NRXN1: variants seen among roughly 807,000 people sequenced by gnomAD.
NRXN1 encodes the protein neurexin 1, also known as neurexin-1.
Under a neutral mutation model 150.9 loss-of-function variants are expected in NRXN1, and 39 were observed. The ratio of observed to expected loss-of-function variants is 0.26; its 90% CI spans 0.20 to 0.34. The LOEUF (loss-of-function observed/expected upper bound fraction) is 0.34. Ranked by LOEUF, NRXN1 falls within the 10% of genes least tolerant of loss-of-function variation. The pLI is 1.00. For missense variants in NRXN1, 1,815 were observed against 1,949.9 expected, an observed-to-expected ratio of 0.93 and a Z score of 1.30; for synonymous variants, 924 against 757.0, an observed-to-expected ratio of 1.22 and a Z score of -3.62.
chr2:50,179,533 T>C (rs992291705), intron 18 of NRXN1, among the ~76,000 whole-genome samples: 14 of 152,150 alleles, frequency 9.2e-5, no homozygotes, highest in African/African-American at 3.4e-4. Flanking sequence ...GGTTAGCTGC[T>C]ATTTTCTGAA....
At chr2:50,076,803 G>C (rs1032384247) in intron 19 of NRXN1, among the ~76,000 whole-genome samples, 1 of 152,098 alleles carries the variant, frequency 6.6e-6, no homozygotes, top group Admixed American at 6.5e-5. Context: ...ACACTATTAT[G>C]AGAATGCTTC....
chr2:50,344,850 C>T (rs866765019), intron 17 of NRXN1, among the ~76,000 whole-genome samples: 2 of 152,140 alleles, frequency 1.3e-5, no homozygotes, highest in Admixed American at 6.5e-5. Flanking sequence ...CAAGTGCTTC[C>T]CACTGGCACA....
At chr2:50,680,936 T>C (rs963477580) in intron 5 of NRXN1, among the ~76,000 whole-genome samples, 8 of 152,162 alleles carry the variant, frequency 5.3e-5, no homozygotes, top group Admixed American at 4.6e-4. Flanking sequence ...GTAGACTTCA[T>C]AGCACTTAAT....
intron 21 of NRXN1, among the ~76,000 whole-genome samples, chr2:49,946,723 C>T (rs147818239): frequency 0.02 from 3,115 of 152,084 alleles, 110 homozygotes; most frequent in African/African-American, 0.069. Flanking sequence ...CTTTATATTT[C>T]ATATGGAACC....
intron 21 of NRXN1, among the ~76,000 whole-genome samples, chr2:50,025,210 C>A (rs1258263739): frequency 1.1e-4 from 16 of 152,194 alleles, no homozygotes; most frequent in African/African-American, 3.9e-4. Flanking sequence ...TACTAACCCA[C>A]TACACCTGCG....
chr2:50,850,958 A>G (rs1674431231), intron 5 of NRXN1, among the ~76,000 whole-genome samples: 1 of 152,210 alleles, frequency 6.6e-6, no homozygotes. Context: ...TTATTTTTGA[A>G]GAAATGAAGC....
chr2:50,077,786 CT>C (rs1163471807), intron 19 of NRXN1, among the ~76,000 whole-genome samples: 1 of 151,954 alleles, frequency 6.6e-6, no homozygotes, highest in East Asian at 1.9e-4. Flanking sequence ...TAGATATATT[CT>C]TTTTGGATTC....
In NRXN1 at chr2:50,347,328, G is replaced by A. The variant is rs200480554; in HGVS notation, c.3365-110358C>T. The A allele has an allele frequency of 4.4e-5, 55 of 1,249,740 alleles. No homozygotes were observed. The highest frequency in any genetic ancestry group is 5.6e-5 in the Non-Finnish European group (54 of 971,020). 77.4% of individuals were successfully genotyped at this position (1,249,740 alleles called of 1,614,324 possible). ...CCGGCGGGTGGGGGGCCGAGAAATT[G>A]TTTAAAGCTCCTCCTGGAAGGTCCT... On this transcript the variant is annotated intron_variant, in intron 17 of 22. Coordinates refer to ENST00000401669, the MANE Select transcript of NRXN1 (RefSeq NM_001330078.2). The surrounding 1 kb of genome is among the most constrained non-coding windows in gnomAD (Gnocchi z 4.9).
intron 17 of NRXN1, among the ~76,000 whole-genome samples, chr2:50,431,350 G>C (rs927545563): frequency 6.6e-6 from 1 of 152,030 alleles, no homozygotes. Context: ...CCTAATCCAA[G>C]ATACTTTAAA....
intron 21 of NRXN1, among the ~76,000 whole-genome samples, chr2:50,039,931 C>A (rs555128950): frequency 1.3e-3 from 195 of 152,200 alleles, no homozygotes; most frequent in Admixed American, 1.8e-3. Flanking sequence ...GAAAAATTCT[C>A]CTTTGAGTAG....
chr2:50,206,461 G>A (rs1297689888), intron 18 of NRXN1, among the ~76,000 whole-genome samples: 1 of 151,868 alleles, frequency 6.6e-6, no homozygotes, highest in East Asian at 1.9e-4. Flanking sequence ...ATCTACCCAG[G>A]CTTAATTTCA....
chr2:50,389,050 C>T (rs971167148), intron 17 of NRXN1, among the ~76,000 whole-genome samples: 1 of 151,952 alleles, frequency 6.6e-6, no homozygotes, highest in African/African-American at 2.4e-5. Flanking sequence ...CACCTGTAGT[C>T]CCAGCTTCTT....
intron 21 of NRXN1, among the ~76,000 whole-genome samples, chr2:50,045,156 CCAA>C (rs150907464): frequency 7.9e-4 from 119 of 150,808 alleles, no homozygotes; most frequent in African/African-American, 2.3e-3. Flanking sequence ...TTCAGTGATA[CCAA>C]CAACAACAAC....
intron 5 of NRXN1, among the ~76,000 whole-genome samples, chr2:50,726,687 C>T (rs1192965023): frequency 2.0e-5 from 3 of 152,068 alleles, no homozygotes; most frequent in African/African-American, 7.2e-5. Flanking sequence ...ATGACAGAAG[C>T]CACCTAGAAT....
chr2:50,044,607 G>C (rs1691516811), intron 21 of NRXN1, among the ~76,000 whole-genome samples: 1 of 152,142 alleles, frequency 6.6e-6, no homozygotes, highest in Non-Finnish European at 1.5e-5. Flanking sequence ...AGATTCAACT[G>C]TGTTAGTGAT....
At chr2:50,974,246 C>A (rs1003253874) in intron 2 of NRXN1, among the ~76,000 whole-genome samples, 8 of 152,112 alleles carry the variant, frequency 5.3e-5, no homozygotes, top group Non-Finnish European at 2.9e-5. Context: ...AAATGCCAGA[C>A]CAGGGATCAG....
At chr2:50,236,370 T>C (rs553425433) in intron 18 of NRXN1, among the ~76,000 whole-genome samples, 2 of 152,174 alleles carry the variant, frequency 1.3e-5, no homozygotes, top group East Asian at 3.9e-4. Flanking sequence ...GATAAGTACT[T>C]TCTCTAGTGA....
chr2:50,225,545 T>C (rs1227009220), intron 18 of NRXN1, among the ~76,000 whole-genome samples: 2 of 151,910 alleles, frequency 1.3e-5, no homozygotes, highest in African/African-American at 4.8e-5. Context: ...TAATTAGTCT[T>C]GCCCTAGGGG....
At chr2:50,888,746 G>A (rs148665375) in intron 5 of NRXN1, among the ~76,000 whole-genome samples, 2 of 151,720 alleles carry the variant, frequency 1.3e-5, no homozygotes, top group East Asian at 3.9e-4. Flanking sequence ...TACAAAATCA[G>A]AACAATAATG....
Sources: allele counts gnomAD v4.1 joint callset (sites outside exome capture counted in the v4.1 genomes callset), GRCh38; gene constraint gnomAD v4.1.1; non-coding constraint Gnocchi (gnomAD v3.1); transcripts MANE v1.5; gene names NCBI Gene and HGNC (gene_info 2026-07-23, HGNC 2026-07-21).